The following STK33 variants were observed in gnomAD, a reference collection of about 807,000 sequenced individuals.
STK33 encodes serine/threonine-protein kinase 33.
In STK33, 52 loss-of-function variants were observed where a neutral mutation model predicts 58.0. The observed-to-expected ratio is 0.90, with a 90% CI of 0.72 to 1.13. The LOEUF (loss-of-function observed/expected upper bound fraction) is 1.13, where lower values mean the gene tolerates loss of function less well. STK33 is among the 50% of genes most tolerant of loss of function. The probability of loss-of-function intolerance (pLI) is 0.00; values close to 1 mark genes in which losing one functional copy is unlikely to be tolerated. For missense variants in STK33, 630 were observed against 604.2 expected (o/e 1.04, Z -0.45); for synonymous variants, 215 against 200.1 (o/e 1.07, Z -0.63).
Position 8,392,014 on chromosome 11 carries a change from C to T in STK33, c.*496G>A, listed in dbSNP as rs192626072. 2.1e-4 allele frequency: 33 copies of T among 157,330 alleles called. No individual in the cohort carries two copies. The highest frequency in any genetic ancestry group is 5.3e-4 in the African/African-American group (22 of 41,582). 9.7% of individuals were successfully genotyped at this position (157,330 alleles called of 1,614,324 possible). ...CAATCTATAGCAACCTAAAATCTCA[C>T]GAACACATGTGAATGACTGAAGCAC... On this transcript the variant is annotated 3_prime_UTR_variant, in exon 16 of 16. Coordinates refer to ENST00000687296, the MANE Select transcript of STK33 (RefSeq NM_001352389.2).
chr11:8,587,843 T>A (rs1338526773), intron 1 of STK33, among the ~76,000 whole-genome samples: 1 of 152,134 alleles, frequency 6.6e-6, no homozygotes, highest in East Asian at 1.9e-4. Context: ...AGGCCTTAAG[T>A]GAGATTAGAC....
chr11:8,348,821 A>G, the STK33 span, among the ~76,000 whole-genome samples: 1 of 152,132 alleles, frequency 6.6e-6, no homozygotes, highest in South Asian at 2.1e-4. Context: ...AACCCTGAGC[A>G]TCCCTGAAAC....
chr11:8,473,098 C>T, intron 6 of STK33, 65 bp downstream of exon 6: 1 of 916,436 alleles, frequency 1.1e-6, no homozygotes, highest in East Asian at 2.6e-5. Context: ...AATCATTTTT[C>T]CTATTAACCA....
Position 8,474,966 on chromosome 11 carries a change from C to A in STK33, c.-61G>T. ...GTTTCCACTGTTTGAGGAAGAAAAC[C>A]AGGCCAAAAAGGATAAGGTAGTTGA... On this transcript the variant is annotated 5_prime_UTR_variant, in exon 5 of 16. Transcript: ENST00000687296. The A allele has an allele frequency of 6.7e-7, 1 of 1,482,934 alleles. No homozygotes were observed. Among genetic ancestry groups the A allele is most frequent in the Non-Finnish European group, 9.1e-7 (1 of 1,104,724 alleles). 91.9% of individuals were successfully genotyped at this position (1,482,934 alleles called of 1,614,324 possible). A position where few individuals can be genotyped will look rare whatever the true frequency, so the allele number is the denominator to read the frequency against.
At position 8,425,606 on chromosome 11, in the gene STK33, G is replaced by A. The variant is rs1160511836; in HGVS notation, c.1146+9888C>T. On this transcript the variant is annotated intron_variant, in intron 14 of 15. Transcript: ENST00000687296. ...TTCTTTGTTAGTGTTTGCCTGATAT[G>A]TCCTTTTCCATTTTTGTGTTTCAAT... 2.6e-5 allele frequency among the ~76,000 whole-genome samples: 4 copies of A among 152,122 alleles called. No individual in the cohort carries two copies. The East Asian group carries it at 5.8e-4, about 22-fold the overall frequency.
At chr11:8,528,079 G>C (rs1954207348) in intron 1 of STK33, among the ~76,000 whole-genome samples, 1 of 152,146 alleles carries the variant, frequency 6.6e-6, no homozygotes, top group Non-Finnish European at 1.5e-5. Flanking sequence ...TTTCTCACGA[G>C]CTTTGTTAGT....
chr11:8,540,966 ATCTCTCTC>A lies in STK33; in HGVS notation c.-466+53109_-466+53116del, dbSNP rs58020007. ...GCTTCACTATACTACCCATCTTACT[ATCTCTCTC>A]TCTCTCTCTCTCTCTCTCTCTATAT... On this transcript the variant is annotated intron_variant, in intron 1 of 15. Coordinates refer to ENST00000687296, the MANE Select transcript of STK33 (RefSeq NM_001352389.2). Among the ~76,000 whole-genome samples, 527 of 144,020 alleles carry A rather than the reference ATCTCTCTC, an allele frequency of 3.7e-3. 5 individuals carry two copies. The highest frequency in any genetic ancestry group is 0.013 in the African/African-American group (486 of 38,852). The allele number at this position is 144,020 out of a possible 152,430, so 94.5% of individuals were successfully genotyped here. A position where few individuals can be genotyped will look rare whatever the true frequency, so the allele number is the denominator to read the frequency against.
At chr11:8,343,510 CCA>C in the STK33 span, among the ~76,000 whole-genome samples, 2 of 152,264 alleles carry the variant, frequency 1.3e-5, no homozygotes, top group South Asian at 4.1e-4. Context: ...GAGCACCAGA[CCA>C]CATAAAGTAC....
intron 6 of STK33, among the ~76,000 whole-genome samples, chr11:8,470,081 G>C (rs937396345): frequency 6.6e-6 from 1 of 152,224 alleles, no homozygotes; most frequent in African/African-American, 2.4e-5. Flanking sequence ...AGGAGAGTCA[G>C]TCTGTCCTTT....
chr11:8,367,506 G>A, the STK33 span, among the ~76,000 whole-genome samples: 7,449 of 152,116 alleles, frequency 0.049, 246 homozygotes, highest in Non-Finnish European at 0.07. Context: ...TTCCTGCACT[G>A]TGACATGGAC....
the STK33 span, among the ~76,000 whole-genome samples, chr11:8,385,696 T>C: frequency 6.6e-6 from 1 of 152,188 alleles, no homozygotes; most frequent in South Asian, 2.1e-4. Context: ...TTGTTTTATA[T>C]CCAGCGCCTA....
chr11:8,528,803 G>A (rs1954272261), intron 1 of STK33, among the ~76,000 whole-genome samples: 2 of 152,126 alleles, frequency 1.3e-5, no homozygotes, highest in South Asian at 4.2e-4. Context: ...GCCAGTAGGT[G>A]AGTCCAAAAA....
chr11:8,522,537 T>C (rs905712109), intron 1 of STK33, among the ~76,000 whole-genome samples: 1 of 151,160 alleles, frequency 6.6e-6, no homozygotes, highest in African/African-American at 2.4e-5. Flanking sequence ...ATACTTAAAC[T>C]CAAGAAATGA....
chr11:8,391,618 T>G (rs558967804), downstream of STK33, among the ~76,000 whole-genome samples: 11 of 152,302 alleles, frequency 7.2e-5, no homozygotes, highest in Non-Finnish European at 1.6e-4. Flanking sequence ...AATTCTTTCT[T>G]TAGAATTTGC....
chr11:8,421,557 G>T (rs79375767), intron 14 of STK33, among the ~76,000 whole-genome samples: 15,739 of 152,180 alleles, frequency 0.1, 900 homozygotes, highest in African/African-American at 0.13. Context: ...AAGACATTCA[G>T]AAATTTCTTG....
chr11:8,345,662 G>A, the STK33 span, among the ~76,000 whole-genome samples: 49 of 152,314 alleles, frequency 3.2e-4, 1 homozygote, highest in South Asian at 3.7e-3. Flanking sequence ...GTCAGGGAGA[G>A]CCTTGAGGGC....
the STK33 span, among the ~76,000 whole-genome samples, chr11:8,355,265 A>G: frequency 6.6e-6 from 1 of 152,260 alleles, no homozygotes; most frequent in African/African-American, 2.4e-5. Context: ...GGCAGGCCAC[A>G]TGCACTGAGT....
rs187657412 is a variant in STK33 at position 8,485,590 on chromosome 11, T to C, written c.-465-4976A>G. Among the ~76,000 whole-genome samples, 640 of 152,352 alleles carry C rather than the reference T, an allele frequency of 4.2e-3. 3 individuals carry two copies. The highest frequency in any genetic ancestry group is 0.015 in the African/African-American group (610 of 41,594). The stretch of plus-strand genomic sequence containing the variant: ...TGGAAAACTAACAGCAACAATTTCA[T>C]GTAGCTTTATGCTTATAACAGAAAA... On this transcript the variant is annotated intron_variant, in intron 1 of 15. Coordinates refer to ENST00000687296, the MANE Select transcript of STK33 (RefSeq NM_001352389.2).
At chr11:8,428,792 C>A (rs1329167003) in intron 14 of STK33, among the ~76,000 whole-genome samples, 1 of 152,106 alleles carries the variant, frequency 6.6e-6, no homozygotes, top group Non-Finnish European at 1.5e-5. Context: ...TATCCATCCA[C>A]TAAAGCATTT....
Sources: gnomAD v4.1 joint callset for allele counts (sites outside exome capture counted in the v4.1 genomes callset) on GRCh38, gnomAD v4.1.1 for gene constraint, MANE v1.5 for transcripts, NCBI Gene and HGNC (gene_info 2026-07-23, HGNC 2026-07-21) for gene names.